Variants in TCERG1L observed in about 807,000 individuals in gnomAD.
TCERG1L encodes the protein transcription elongation regulator 1-like protein.
TCERG1L carries 37 observed loss-of-function variants against 56.3 expected under a neutral mutation model. That is an observed-to-expected ratio of 0.66 (90% CI 0.51 to 0.87). TCERG1L has a LOEUF of 0.87. Among genes scored for constraint, TCERG1L ranks in the 40% least tolerant of loss-of-function variants. TCERG1L has a pLI of 0.00. For missense variants in TCERG1L, 799 were observed against 774.2 expected (o/e 1.03, Z -0.38); for synonymous variants, 324 against 326.3 (o/e 0.99, Z 0.08).
At chr10:131,116,546 C>T (rs761779065) in intron 9 of TCERG1L, among the ~76,000 whole-genome samples, 52 of 152,324 alleles carry the variant, frequency 3.4e-4, no homozygotes, top group Admixed American at 7.8e-4. Context: ...TCGGCCTCCA[C>T]TCACTTAGCA....
chr10:131,214,050 GCA>G (rs3040392), intron 4 of TCERG1L, among the ~76,000 whole-genome samples: 104,606 of 151,836 alleles, frequency 0.69, 36,382 homozygotes, highest in East Asian at 0.89. Flanking sequence ...ACACACACAC[GCA>G]CACACACACG....
rs1845222011 is a variant in TCERG1L, at chr10:131,185,122, TATAGA to T, written c.857-18242_857-18238del. The stretch of plus-strand genomic sequence containing the variant: ...AAACATAGAGACATATAGATGTACA[TATAGA>T]TAAAAATATAGATAATATAGATGTG... On this transcript the variant is annotated intron_variant, in intron 4 of 11. Coordinates refer to ENST00000368642, the MANE Select transcript of TCERG1L (RefSeq NM_174937.4). Among the ~76,000 whole-genome samples the T allele has an allele frequency of 1.3e-5, 2 of 151,918 alleles. 1 individual carries two copies. The highest frequency in any genetic ancestry group is 4.2e-4 in the South Asian group (2 of 4,810).
intron 4 of TCERG1L, among the ~76,000 whole-genome samples, chr10:131,227,974 C>G (rs1168011900): frequency 6.6e-6 from 1 of 151,922 alleles, no homozygotes; most frequent in Non-Finnish European, 1.5e-5. Flanking sequence ...CTCCTCACCC[C>G]ACCCCTCCTC....
At position 131,146,404 on chromosome 10, in the gene TCERG1L, T is replaced by C; in HGVS notation, c.1189+102A>G. 2.2e-6 allele frequency: 3 copies of C among 1,346,990 alleles called. No individual in the cohort carries two copies. The South Asian group carries it at 5.6e-5, about 25-fold the overall frequency. 83.4% of individuals were successfully genotyped at this position (1,346,990 alleles called of 1,614,324 possible). On this transcript the variant is annotated intron_variant, in intron 7 of 11. Coordinates refer to ENST00000368642, the MANE Select transcript of TCERG1L (RefSeq NM_174937.4). ...GGCACAGGATTCCTTAATAGTCAAT[T>C]TTCAACATAACCAAGAAGAAACATG... is the stretch of plus-strand genomic sequence containing the variant.
intron 4 of TCERG1L, among the ~76,000 whole-genome samples, chr10:131,197,708 C>T (rs572447400): frequency 6.4e-4 from 97 of 152,106 alleles, no homozygotes; most frequent in Non-Finnish European, 1.1e-3. Flanking sequence ...CAGCCAGAGC[C>T]GACCTGAGGT....
intron 4 of TCERG1L, among the ~76,000 whole-genome samples, chr10:131,225,757 G>A (rs909067459): frequency 6.6e-6 from 1 of 151,346 alleles, no homozygotes; most frequent in African/African-American, 2.4e-5. Flanking sequence ...CCAACTCCCT[G>A]CACACAGCGA....
At chr10:131,229,635 C>T (rs1845828263) in intron 4 of TCERG1L, among the ~76,000 whole-genome samples, 1 of 151,942 alleles carries the variant, frequency 6.6e-6, no homozygotes, top group Non-Finnish European at 1.5e-5. Flanking sequence ...CAAAATAGCC[C>T]AAGACACATA....
chr10:131,155,696 C>T (rs745787755), intron 6 of TCERG1L, among the ~76,000 whole-genome samples: 3 of 152,156 alleles, frequency 2.0e-5, no homozygotes, highest in African/African-American at 4.8e-5. Context: ...GCTGACAGCA[C>T]GTCCGGGAGC....
At chr10:131,302,772 C>T (rs1435848657) in intron 3 of TCERG1L, among the ~76,000 whole-genome samples, 1 of 151,888 alleles carries the variant, frequency 6.6e-6, no homozygotes, top group Non-Finnish European at 1.5e-5. Flanking sequence ...TGCTATCCCT[C>T]TCCTAGCCCC....
rs544693574 is a variant in TCERG1L at position 131,113,928 on chromosome 10, C to T, written c.1395+2871G>A. ...ATTAATAACCTGCTGTTCAATTAAA[C>T]TTGCTCCTGATGGACTAAAGTTTTA... On this transcript the variant is annotated intron_variant, in intron 9 of 11. Transcript: ENST00000368642. Among the ~76,000 whole-genome samples the T allele has an allele frequency of 1.5e-3, 217 of 142,750 alleles. 23 individuals carry two copies. In the Middle Eastern group the frequency reaches 0.021, roughly 14 times the overall value. The allele number at this position is 142,750 out of a possible 152,430, so 93.6% of individuals were successfully genotyped here. A position where few individuals can be genotyped will look rare whatever the true frequency, so the allele number is the denominator to read the frequency against.
At chr10:131,199,409 A>G (rs1306776413) in intron 4 of TCERG1L, among the ~76,000 whole-genome samples, 4 of 152,144 alleles carry the variant, frequency 2.6e-5, no homozygotes, top group Non-Finnish European at 5.9e-5. Context: ...CTGCTTAGAG[A>G]TTCCTGACAA....
intron 3 of TCERG1L, among the ~76,000 whole-genome samples, chr10:131,295,705 T>C (rs1310051444): frequency 1.3e-5 from 2 of 152,210 alleles, no homozygotes; most frequent in Admixed American, 6.5e-5. Context: ...ATCTCGAACA[T>C]TTACCATTTC....
chr10:131,231,467 C>A (rs745953895), intron 4 of TCERG1L, among the ~76,000 whole-genome samples: 4 of 152,190 alleles, frequency 2.6e-5, no homozygotes, highest in African/African-American at 4.8e-5. Flanking sequence ...GCCCTGGAGC[C>A]GGCTGGCATC....
intron 3 of TCERG1L, among the ~76,000 whole-genome samples, chr10:131,264,555 C>T (rs1004587165): frequency 2.0e-5 from 3 of 152,194 alleles, no homozygotes; most frequent in Admixed American, 6.5e-5. Context: ...GGGGAAGCTG[C>T]GTCCCCACAC....
intron 3 of TCERG1L, among the ~76,000 whole-genome samples, chr10:131,262,740 A>G (rs1846247182): frequency 6.6e-6 from 1 of 152,084 alleles, no homozygotes; most frequent in African/African-American, 2.4e-5. Context: ...GATCATACAG[A>G]GCATTTTCAC....
At chr10:131,276,569 GTCTC>G (rs369156335) in intron 3 of TCERG1L, among the ~76,000 whole-genome samples, 37 of 152,326 alleles carry the variant, frequency 2.4e-4, no homozygotes, top group African/African-American at 7.9e-4. Context: ...CTCAGCCCAT[GTCTC>G]TCTCTTTGGA....
chr10:131,149,409 AG>A (rs1464278194), intron 6 of TCERG1L, among the ~76,000 whole-genome samples: 1 of 150,612 alleles, frequency 6.6e-6, no homozygotes, highest in Non-Finnish European at 1.5e-5. Flanking sequence ...TGGGGCCTGC[AG>A]GGAGGCTGTG....
intron 3 of TCERG1L, among the ~76,000 whole-genome samples, chr10:131,265,313 T>C (rs1258717504): frequency 6.6e-6 from 1 of 152,260 alleles, no homozygotes. Context: ...CTTGAAAATA[T>C]ACTTTTTAAC....
At chr10:131,159,086 T>C (rs1183122453) in intron 6 of TCERG1L, among the ~76,000 whole-genome samples, 1 of 152,208 alleles carries the variant, frequency 6.6e-6, no homozygotes, top group Admixed American at 6.5e-5. Flanking sequence ...CACGATGACC[T>C]TCTGCGGGGC....
Sources: allele counts gnomAD v4.1 joint callset (sites outside exome capture counted in the v4.1 genomes callset), GRCh38; gene constraint gnomAD v4.1.1; transcripts MANE v1.5; gene names NCBI Gene and HGNC (gene_info 2026-07-23, HGNC 2026-07-21).